PCBD2: variants seen among roughly 807,000 people sequenced by gnomAD.
PCBD2 encodes pterin-4-alpha-carbinolamine dehydratase 2.
A neutral mutation model predicts 16.4 loss-of-function variants in PCBD2; 12 were observed. The observed-to-expected ratio is 0.73, with a 90% confidence interval of 0.47 to 1.19. The LOEUF (loss-of-function observed/expected upper bound fraction) is 1.19. PCBD2 is among the 50% of genes most tolerant of loss of function. The probability of loss-of-function intolerance (pLI) is 0.00; values close to 1 mark genes in which losing one functional copy is unlikely to be tolerated. For missense variants in PCBD2, 138 were observed against 156.8 expected (o/e 0.88, Z 0.64); for synonymous variants, 58 against 61.8 (o/e 0.94, Z 0.29).
At chr5:134,918,713 A>G (rs1157209876) in intron 2 of PCBD2, among the ~76,000 whole-genome samples, 2 of 152,112 alleles carry the variant, frequency 1.3e-5, no homozygotes, top group African/African-American at 2.4e-5. Context: ...GAATAGAGAC[A>G]CTCATATTTT....
At chr5:134,928,837 G>A (rs150088520) in intron 2 of PCBD2, among the ~76,000 whole-genome samples, 63 of 152,230 alleles carry the variant, frequency 4.1e-4, no homozygotes, top group African/African-American at 1.4e-3. Context: ...CGGGCCTGGA[G>A]GAAAGGAGGA....
At chr5:134,950,987 C>T (rs893166414) in intron 2 of PCBD2, among the ~76,000 whole-genome samples, 4 of 152,196 alleles carry the variant, frequency 2.6e-5, no homozygotes, top group Non-Finnish European at 4.4e-5. Context: ...AGGTTATGTA[C>T]ATTAAAGGAT....
intron 2 of PCBD2, among the ~76,000 whole-genome samples, chr5:134,947,756 AG>A (rs1027786698): frequency 2.0e-4 from 31 of 152,034 alleles, no homozygotes; most frequent in African/African-American, 7.5e-4. Flanking sequence ...GGAAGCACAA[AG>A]TTGAAGCCTA....
chr5:134,941,328 A>G (rs1339078033), intron 2 of PCBD2, among the ~76,000 whole-genome samples: 1 of 152,138 alleles, frequency 6.6e-6, no homozygotes, highest in Non-Finnish European at 1.5e-5. Flanking sequence ...GGTTGCTTTA[A>G]TAGGTGTTCA....
At chr5:134,925,093 C>A (rs755535359) in intron 2 of PCBD2, 8 of 396,334 alleles carry the variant, frequency 2.0e-5, no homozygotes, top group Non-Finnish European at 3.6e-5. Flanking sequence ...GATTGTTAGG[C>A]GTTTAATGGG....
At chr5:134,915,436 ATTTTTTTTTTTTT>A (rs760173801) in intron 2 of PCBD2, among the ~76,000 whole-genome samples, 2 of 114,206 alleles carry the variant, frequency 1.8e-5, no homozygotes, top group African/African-American at 3.5e-5. Context: ...TGGGCCTCTA[ATTTTTTTTTTTTT>A]TTTTTTTTTT....
At chr5:134,924,446 G>A in intron 2 of PCBD2, 2 of 397,086 alleles carry the variant, frequency 5.0e-6, no homozygotes, top group African/African-American at 4.1e-5. Context: ...GGGTGAAAGA[G>A]TATGATGGGG....
Position 134,959,042 on chromosome 5 carries a change from A to G in PCBD2, c.219A>G (p.Ala73=), listed in dbSNP as rs1751444225. Residue 73 remains alanine, a splice_region_variant and synonymous_variant, in exon 3 of 4, where the codon GCA becomes GCG. Transcript: ENST00000254908. The part of the protein sequence containing the change: ...KEFSFHNFNQ[A]FGFMSRVALQ... ...ACTCTTGACTTCATCTTATGCAGGC[A>G]TTTGGCTTTATGTCCCGAGTTGCCC... is the stretch of plus-strand genomic sequence containing the variant. 6 of 1,613,592 alleles carry G rather than the reference A, an allele frequency of 3.7e-6. No homozygotes were observed. The highest frequency in any genetic ancestry group is 4.2e-6 in the Non-Finnish European group (5 of 1,179,580).
At chr5:134,945,429 TTTTC>T (rs1751280313) in intron 2 of PCBD2, among the ~76,000 whole-genome samples, 1 of 152,084 alleles carries the variant, frequency 6.6e-6, no homozygotes, top group African/African-American at 2.4e-5. Context: ...AACAAACCAT[TTTTC>T]TTTCTTTCAG....
intron 1 of PCBD2, among the ~76,000 whole-genome samples, chr5:134,910,099 T>C (rs1167135458): frequency 6.6e-6 from 1 of 151,982 alleles, no homozygotes; most frequent in African/African-American, 2.4e-5. Context: ...CCAGAGAAGC[T>C]GAATTGTGAA....
At chr5:134,944,212 C>T (rs527429439) in intron 2 of PCBD2, among the ~76,000 whole-genome samples, 2 of 152,302 alleles carry the variant, frequency 1.3e-5, no homozygotes, top group East Asian at 3.9e-4. Flanking sequence ...CTAAAAACCT[C>T]CCTGTGCCTA....
chr5:134,945,403 T>A (rs1210799533), intron 2 of PCBD2, among the ~76,000 whole-genome samples: 1 of 152,182 alleles, frequency 6.6e-6, no homozygotes, highest in Non-Finnish European at 1.5e-5. Flanking sequence ...TGATCTTGTT[T>A]ATATACACTC....
At chr5:134,947,544 C>G (rs966922145) in intron 2 of PCBD2, among the ~76,000 whole-genome samples, 1 of 151,918 alleles carries the variant, frequency 6.6e-6, no homozygotes, top group Admixed American at 6.6e-5. Flanking sequence ...CCCACTACCA[C>G]GCCTGGCTAA....
chr5:134,929,983 C>T (rs369478730), intron 2 of PCBD2, among the ~76,000 whole-genome samples: 165 of 152,344 alleles, frequency 1.1e-3, no homozygotes, highest in African/African-American at 3.5e-3. Context: ...CATGAGCCAT[C>T]GTTCCCAGCC....
chr5:134,924,003 C>T (rs199770632), intron 2 of PCBD2: 4 of 394,212 alleles, frequency 1.0e-5, no homozygotes, highest in Non-Finnish European at 1.3e-5. Context: ...GATAAATGAG[C>T]GGTTAATTAA....
In PCBD2 at chr5:134,961,461, T is replaced by G. The variant is rs935866288; in HGVS notation, c.*780T>G. Among the ~76,000 whole-genome samples, 1 of 151,604 alleles carries G rather than the reference T, an allele frequency of 6.6e-6. No individual in the cohort carries two copies. Among genetic ancestry groups the G allele is most frequent in the Non-Finnish European group, 1.5e-5 (1 of 67,904 alleles). Reference sequence around the variant, plus strand: ...CCACTGCGCCTAGCTAATTTTTGTATTTTTAGTAGAGATGGGGTTTCATTA... The same window carrying G: ...CCACTGCGCCTAGCTAATTTTTGTAGTTTTAGTAGAGATGGGGTTTCATTA... On this transcript the variant is annotated 3_prime_UTR_variant, in exon 4 of 4. Transcript: ENST00000254908.
intron 1 of PCBD2, among the ~76,000 whole-genome samples, chr5:134,907,448 G>T: frequency 6.6e-6 from 1 of 151,702 alleles, no homozygotes; most frequent in East Asian, 1.9e-4. Context: ...TCACCATCTT[G>T]GCCAGGCTGG....
At chr5:134,953,194 C>CA (rs1214336309) in intron 2 of PCBD2, among the ~76,000 whole-genome samples, 1 of 151,702 alleles carries the variant, frequency 6.6e-6, no homozygotes, top group Non-Finnish European at 1.5e-5. Flanking sequence ...CATGGCAGAA[C>CA]CAAAATACTT....
In PCBD2 at chr5:134,960,784, T is replaced by A. The variant is rs1751465809; in HGVS notation, c.*103T>A. 1 of 983,738 alleles carries A rather than the reference T, an allele frequency of 1.0e-6. No individual in the cohort carries two copies. The highest frequency in any genetic ancestry group is 1.5e-6 in the Non-Finnish European group (1 of 653,912). The allele number at this position is 983,738 out of a possible 1,614,324, so 60.9% of individuals were successfully genotyped here. ...AGAGTTGTTCTTTTTCTCTTTTTTT[T>A]AAGACAGAGTGTTGCTCTGTCGCCC... On this transcript the variant is annotated 3_prime_UTR_variant, in exon 4 of 4. Coordinates refer to ENST00000254908, the MANE Select transcript of PCBD2 (RefSeq NM_032151.5).
Sources: allele counts gnomAD v4.1 joint callset (sites outside exome capture counted in the v4.1 genomes callset), GRCh38; gene constraint gnomAD v4.1.1; transcripts MANE v1.5; gene names NCBI Gene and HGNC (gene_info 2026-07-23, HGNC 2026-07-21).